Variants in PTCRA observed in about 807,000 individuals in gnomAD.
PTCRA encodes pre T-cell antigen receptor alpha.
PTCRA carries 9 observed loss-of-function variants against 13.4 expected under a neutral mutation model. The ratio of observed to expected loss-of-function variants is 0.67; its 90% CI spans 0.41 to 1.18. PTCRA has a LOEUF of 1.18. PTCRA is among the 50% of genes most tolerant of loss of function. The pLI is 0.01. For missense variants in PTCRA, 353 were observed against 359.8 expected (o/e 0.98, Z 0.15); for synonymous variants, 153 against 161.9 (o/e 0.94, Z 0.42).
chr6:42,922,392 CA>C (rs1425999325), intron 1 of PTCRA: 1 of 609,058 alleles, frequency 1.6e-6, no homozygotes, highest in African/African-American at 1.9e-5. Context: ...ATATCATAGA[CA>C]AGTGGATGGA....
chr6:42,916,260 G>T (rs1766872433), intron 1 of PTCRA, 133 bp downstream of exon 1: 2 of 855,752 alleles, frequency 2.3e-6, no homozygotes, highest in South Asian at 1.7e-5. Flanking sequence ...CTCTGGGGAG[G>T]GTCCCTCTGG....
rs1193825254 is a variant in PTCRA, at chr6:42,925,112, G to C, written c.425-149G>C. 9.8e-7 allele frequency: 1 copy of C among 1,015,512 alleles called. No homozygotes were observed. 62.9% of individuals were successfully genotyped at this position (1,015,512 alleles called of 1,614,324 possible). On this transcript the variant is annotated intron_variant, in intron 3 of 3. Transcript: ENST00000304672. This position sits in a 1 kb window ranked among gnomAD's most constrained non-coding sequence, Gnocchi z 4.4. ...GGAAGGTATGTATTATTACCAGTAA[G>C]AACGGAGGCTAGACACCGGGAAGGA...
In PTCRA at chr6:42,916,762, G is replaced by A. The variant is rs918224681; in HGVS notation, c.58+635G>A. On this transcript the variant is annotated intron_variant, in intron 1 of 3. Transcript: ENST00000304672. ...GAAGCATGTGCATGTGTGCATGTAC[G>A]TGGTGGGGGAAGGTCCATGACTTTT... is the stretch of plus-strand genomic sequence containing the variant. Among the ~76,000 whole-genome samples, 4 of 152,302 alleles carry A rather than the reference G, an allele frequency of 2.6e-5. No homozygotes were observed. The South Asian group carries it at 8.3e-4, about 32-fold the overall frequency.
intron 1 of PTCRA, among the ~76,000 whole-genome samples, chr6:42,921,991 C>G (rs1336741565): frequency 2.6e-5 from 4 of 151,872 alleles, no homozygotes; most frequent in Admixed American, 6.6e-5. Context: ...TGCCACTGCA[C>G]TCCAGTCTGG....
rs1363498520 is a variant in PTCRA at position 42,923,300 on chromosome 6, C to T, written c.332C>T (p.Pro111Leu). The T allele has an allele frequency of 4.3e-6, 7 of 1,614,062 alleles. No homozygotes were observed. Among genetic ancestry groups the T allele is most frequent in the Non-Finnish European group, 5.9e-6 (7 of 1,180,022 alleles). Reference protein sequence around the residue: ...SWEPLVCHTGPGAEGHSRSTQ... With the variant: ...SWEPLVCHTGLGAEGHSRSTQ... The stretch of plus-strand genomic sequence containing the variant: ...GAGCCTTTGGTCTGCCACACTGGGC[C>T]TGGGGCTGAGGGTCACAGCAGGAGT... The change falls in exon 2 of 4, where the codon CCT becomes CTT. Residue 111 changes from proline to leucine, a missense_variant. Transcript: ENST00000304672.
chr6:42,919,151 A>T (rs559733961), intron 1 of PTCRA, among the ~76,000 whole-genome samples: 1 of 148,594 alleles, frequency 6.7e-6, no homozygotes, highest in East Asian at 2.0e-4. Flanking sequence ...GCGTGCCACC[A>T]CGCCCGGCTA....
intron 1 of PTCRA, chr6:42,922,327 G>C (rs1767212655): frequency 1.4e-6 from 1 of 692,518 alleles, no homozygotes; most frequent in South Asian, 1.5e-5. Flanking sequence ...TGAGAGCAGG[G>C]ACAATGACTT....
At chr6:42,917,190 ATATTATTAT>A (rs60630405) in intron 1 of PTCRA, among the ~76,000 whole-genome samples, 7,848 of 141,030 alleles carry the variant, frequency 0.056, 299 homozygotes, top group South Asian at 0.15. Context: ...TAACAGCATT[ATATTATTAT>A]TATTATTATT....
In PTCRA at chr6:42,923,113, G is replaced by T. The variant is rs768826241; in HGVS notation, c.145G>T (p.Val49Phe). The change falls in exon 2 of 4, where the codon GTC (valine) becomes TTC (phenylalanine). Residue 49 changes from valine to phenylalanine, a missense_variant. Physicochemically the swap from Val to Phe is conservative, Grantham distance 50 (BLOSUM62 -1). Coordinates refer to ENST00000304672, the MANE Select transcript of PTCRA (RefSeq NM_138296.3). ...GKQQMVVVCL[V>F]LDVAPPGLDS... The stretch of plus-strand genomic sequence containing the variant: ...GCAGCAGATGGTGGTGGTCTGCCTG[G>T]TCCTTGATGTTGCACCCCCTGGCCT... The T allele has an allele frequency of 6.2e-7, 1 of 1,614,194 alleles. No homozygotes were observed. Among genetic ancestry groups the T allele is most frequent in the Middle Eastern group, 1.6e-4 (1 of 6,062 alleles).
rs184782115 is a variant in PTCRA at position 42,925,370 on chromosome 6, G to A, written c.534G>A (p.Pro178=). 7 of 1,556,056 alleles carry A rather than the reference G, an allele frequency of 4.5e-6. No individual in the cohort carries two copies. Among genetic ancestry groups the A allele is most frequent in the African/African-American group, 2.7e-5 (2 of 73,520 alleles). The change falls in exon 4 of 4, where the codon CCG becomes CCA. Residue 178 remains proline, a synonymous_variant. Transcript: ENST00000304672. The surrounding 1 kb of genome is among the most constrained non-coding windows in gnomAD (Gnocchi z 4.4). Reference sequence around the variant, plus strand: ...GCTGCCTGTGCGACCCCGCGGGCCCGCTGCCTTCCCCCGCAACCACCACCC... The same window carrying A: ...GCTGCCTGTGCGACCCCGCGGGCCCACTGCCTTCCCCCGCAACCACCACCC... ...TCSCLCDPAG[P]LPSPATTTRL... is the part of the protein sequence containing the mutation.
intron 3 of PTCRA, 108 bp downstream of exon 3, chr6:42,924,381 G>A (rs776069488): frequency 5.6e-6 from 5 of 895,196 alleles, no homozygotes; most frequent in South Asian, 2.7e-5. Flanking sequence ...CTGGAGGTCA[G>A]TAGGTGTCCC....
At chr6:42,917,225 A>G (rs1581677219) in intron 1 of PTCRA, among the ~76,000 whole-genome samples, 1 of 131,260 alleles carries the variant, frequency 7.6e-6, no homozygotes, top group African/African-American at 3.2e-5. Flanking sequence ...TATTATTATT[A>G]TTATTATTTA....
chr6:42,921,262 C>T (rs1381785736), intron 1 of PTCRA, among the ~76,000 whole-genome samples: 10 of 145,320 alleles, frequency 6.9e-5, no homozygotes, highest in African/African-American at 1.0e-4. Context: ...CCACCACGCC[C>T]GACTAATTTT....
At chr6:42,922,083 T>C (rs950186319) in intron 1 of PTCRA, 1 of 581,934 alleles carries the variant, frequency 1.7e-6, no homozygotes. Context: ...AGGCTGAGAA[T>C]AAAAGAAAAA....
chr6:42,924,316 C>T, intron 3 of PTCRA, 43 bp downstream of exon 3: 1 of 1,591,178 alleles, frequency 6.3e-7, no homozygotes, highest in Non-Finnish European at 8.6e-7. Context: ...AGGCTGGGAC[C>T]AGGACCTTGG....
chr6:42,918,425 G>T lies in PTCRA; in HGVS notation c.58+2298G>T, dbSNP rs186644273. Among the ~76,000 whole-genome samples the T allele has an allele frequency of 4.8e-3, 724 of 151,856 alleles. 5 individuals carry two copies. The highest frequency in any genetic ancestry group is 8.3e-3 in the Non-Finnish European group (562 of 67,980). On this transcript the variant is annotated intron_variant, in intron 1 of 3. Transcript: ENST00000304672. ...AAAAATTAGCCACGCGTGGTGGTAG[G>T]TGCCTGTAATCCCAGCTACTCAGGA...
intron 2 of PTCRA, 23 bp downstream of exon 2, chr6:42,923,370 T>C (rs1265927204): frequency 1.9e-6 from 3 of 1,606,032 alleles, no homozygotes; most frequent in Admixed American, 3.3e-5. Context: ...CCTGGGCCCT[T>C]GCGGATGCTC....
intron 1 of PTCRA, among the ~76,000 whole-genome samples, chr6:42,922,456 T>C (rs777804373): frequency 2.0e-5 from 3 of 151,690 alleles, no homozygotes; most frequent in Non-Finnish European, 4.4e-5. Flanking sequence ...GTAGAAAGAA[T>C]AGATGGAGGT....
At chr6:42,921,303 T>C (rs1303380277) in intron 1 of PTCRA, among the ~76,000 whole-genome samples, 1 of 151,722 alleles carries the variant, frequency 6.6e-6, no homozygotes, top group South Asian at 2.1e-4. Flanking sequence ...GGTTCCACCA[T>C]GTTGGCCAGG....
Sources: allele counts gnomAD v4.1 joint callset (sites outside exome capture counted in the v4.1 genomes callset), GRCh38; gene constraint gnomAD v4.1.1; non-coding constraint Gnocchi (gnomAD v3.1); transcripts MANE v1.5; gene names NCBI Gene and HGNC (gene_info 2026-07-23, HGNC 2026-07-21).